PUS7: variants seen among roughly 807,000 people sequenced by gnomAD.
PUS7 encodes pseudouridine synthase 7.
Under a neutral mutation model 79.8 loss-of-function variants are expected in PUS7, and 48 were observed. The ratio of observed to expected loss-of-function variants is 0.60; its 90% confidence interval spans 0.48 to 0.76. The LOEUF (loss-of-function observed/expected upper bound fraction) is 0.76. Ranked by LOEUF, PUS7 falls within the 30% of genes least tolerant of loss-of-function variation. The probability of loss-of-function intolerance (pLI) is 0.00; values close to 1 mark genes in which losing one functional copy is unlikely to be tolerated. For synonymous variants in PUS7, 286 were observed against 272.2 expected (o/e 1.05, Z -0.50); for missense variants, 729 against 797.6 (o/e 0.91, Z 1.04).
At chr7:105,520,416 G>T (rs555700499) in intron 1 of PUS7, among the ~76,000 whole-genome samples, 3 of 129,610 alleles carry the variant, frequency 2.3e-5, no homozygotes, top group Non-Finnish European at 3.6e-5. Context: ...CCGAGATCGC[G>T]CCACTGCAAT....
intron 6 of PUS7, among the ~76,000 whole-genome samples, chr7:105,494,060 C>G (rs566307130): frequency 2.0e-5 from 3 of 152,292 alleles, no homozygotes; most frequent in Non-Finnish European, 4.4e-5. Flanking sequence ...GATCCAGTCT[C>G]TGCTATATTT....
intron 1 of PUS7, among the ~76,000 whole-genome samples, chr7:105,514,595 C>A (rs1291801391): frequency 1.3e-5 from 2 of 151,530 alleles, no homozygotes; most frequent in Non-Finnish European, 2.9e-5. Flanking sequence ...CAGAGCGAGA[C>A]TCCATCTCAA....
At chr7:105,507,053 T>G (rs1402428953) in intron 2 of PUS7, among the ~76,000 whole-genome samples, 1 of 152,124 alleles carries the variant, frequency 6.6e-6, no homozygotes, top group Admixed American at 6.5e-5. Flanking sequence ...TTTATTACTA[T>G]TATTTTTTTT....
intron 14 of PUS7, among the ~76,000 whole-genome samples, chr7:105,460,826 C>T (rs1427370908): frequency 1.6e-5 from 2 of 121,616 alleles, no homozygotes; most frequent in African/African-American, 6.3e-5. Flanking sequence ...TGCACTCCAG[C>T]CTGGGCGACA....
Position 105,504,290 on chromosome 7 carries a change from C to T in PUS7, c.585+1665G>A, listed in dbSNP as rs181874445. On this transcript the variant is annotated intron_variant, in intron 4 of 15. Transcript: ENST00000469408. ...TTCTCCATGTTGGTCAGGCTGGTCT[C>T]GAACTCCTGACCTTAGGTGATCCAC... 1.6e-3 allele frequency among the ~76,000 whole-genome samples: 241 copies of T among 151,866 alleles called. 1 individual carries two copies. The highest frequency in any genetic ancestry group is 5.6e-3 in the African/African-American group (233 of 41,404).
At position 105,472,014 on chromosome 7, in the gene PUS7, A is replaced by T. The variant is rs549712950; in HGVS notation, c.1237+118T>A. 6.2e-6 allele frequency: 4 copies of T among 649,460 alleles called. No individual in the cohort carries two copies. In the South Asian group the frequency reaches 8.0e-5, roughly 13 times the overall value. The allele number at this position is 649,460 out of a possible 1,614,324, so 40.2% of individuals were successfully genotyped here. A position where few individuals can be genotyped will look rare whatever the true frequency, so the allele number is the denominator to read the frequency against. On this transcript the variant is annotated intron_variant, in intron 10 of 15. Transcript: ENST00000469408. ...AATAAACTTATACTTTTATTGTAAA[A>T]ACAAATAAAATACTGAAACAACAAC...
chr7:105,508,682 C>A, intron 1 of PUS7, 138 bp from the exon 2 acceptor site: 1 of 1,105,220 alleles, frequency 9.0e-7, no homozygotes, highest in Non-Finnish European at 1.2e-6. Context: ...GAGTTCAAGA[C>A]CAGCCTGGCC....
At chr7:105,502,825 G>A (rs1489789922) in intron 4 of PUS7, among the ~76,000 whole-genome samples, 7 of 152,122 alleles carry the variant, frequency 4.6e-5, no homozygotes, top group Non-Finnish European at 1.0e-4. Flanking sequence ...TCAGCCTCCT[G>A]AGTAGCTGGG....
At chr7:105,506,355 C>A (rs1044907449) in intron 2 of PUS7, 82 bp from the exon 3 acceptor site, 9 of 962,882 alleles carry the variant, frequency 9.3e-6, no homozygotes, top group African/African-American at 8.3e-5. Context: ...CAACAGCAAG[C>A]CTTACTATTA....
chr7:105,492,758 C>T (rs1373139669), intron 6 of PUS7, among the ~76,000 whole-genome samples: 10 of 152,016 alleles, frequency 6.6e-5, no homozygotes, highest in East Asian at 3.9e-4. Flanking sequence ...CCGCCCGCCT[C>T]GGCCTCCCAA....
chr7:105,508,581 T>C, intron 1 of PUS7, 37 bp from the exon 2 acceptor site: 2 of 1,546,874 alleles, frequency 1.3e-6, no homozygotes, highest in Non-Finnish European at 1.7e-6. Flanking sequence ...ATCACCTATA[T>C]AAAAGCTGGT....
intron 9 of PUS7, among the ~76,000 whole-genome samples, chr7:105,476,744 T>G (rs1824128122): frequency 6.6e-6 from 1 of 152,226 alleles, no homozygotes; most frequent in Non-Finnish European, 1.5e-5. Context: ...AGGTTTCTAA[T>G]TTCTCTGTAC....
chr7:105,503,925 G>C (rs982909179), intron 4 of PUS7, among the ~76,000 whole-genome samples: 2 of 152,092 alleles, frequency 1.3e-5, no homozygotes, highest in African/African-American at 4.8e-5. Context: ...GAGCCACTGT[G>C]CCCAGCCCTT....
At chr7:105,491,112 C>T (rs185588312) in intron 7 of PUS7, among the ~76,000 whole-genome samples, 1 of 152,166 alleles carries the variant, frequency 6.6e-6, no homozygotes, top group Non-Finnish European at 1.5e-5. Context: ...ACATTAACAT[C>T]CAAAGTATAT....
chr7:105,482,184 C>G, intron 8 of PUS7, 128 bp downstream of exon 8: 1 of 1,121,164 alleles, frequency 8.9e-7, no homozygotes, highest in South Asian at 1.5e-5. Flanking sequence ...CCCTGCTCTG[C>G]CCTCCCTTGC....
intron 5 of PUS7, among the ~76,000 whole-genome samples, chr7:105,498,745 C>T (rs1272486386): frequency 6.6e-6 from 1 of 152,144 alleles, no homozygotes; most frequent in Non-Finnish European, 1.5e-5. Flanking sequence ...ATTTGCCTCC[C>T]TGAATTTTCA....
intron 7 of PUS7, among the ~76,000 whole-genome samples, chr7:105,485,067 TG>T (rs925544978): frequency 2.6e-5 from 4 of 151,792 alleles, no homozygotes; most frequent in African/African-American, 9.7e-5. Context: ...TTCACCAGGT[TG>T]GCCAGGCTGG....
intron 1 of PUS7, among the ~76,000 whole-genome samples, chr7:105,509,346 G>A (rs955465757): frequency 7.9e-5 from 12 of 151,946 alleles, no homozygotes; most frequent in Admixed American, 3.3e-4. Context: ...TAATACTTCC[G>A]CACATCATCA....
intron 1 of PUS7, among the ~76,000 whole-genome samples, chr7:105,512,440 C>T (rs73190151): frequency 0.14 from 20,897 of 152,080 alleles, 1,866 homozygotes; most frequent in South Asian, 0.26. Flanking sequence ...ACACAAGGAC[C>T]GGGAGAACAC....
Sources: gnomAD v4.1 joint callset for allele counts (sites outside exome capture counted in the v4.1 genomes callset) on GRCh38, gnomAD v4.1.1 for gene constraint, MANE v1.5 for transcripts, NCBI Gene and HGNC (gene_info 2026-07-23, HGNC 2026-07-21) for gene names.